Variants in PRRG1 observed in about 807,000 individuals in gnomAD.
PRRG1 encodes the protein transmembrane gamma-carboxyglutamic acid protein 1.
Under a neutral mutation model 11.8 loss-of-function variants are expected in PRRG1, and 5 were observed. That is an observed-to-expected ratio of 0.42 (90% CI 0.22 to 0.89). The LOEUF is 0.89. Ranked by LOEUF, PRRG1 falls within the 40% of genes least tolerant of loss-of-function variation. The pLI, the probability that PRRG1 is intolerant of heterozygous loss-of-function variation, is 0.28. For missense variants in PRRG1, 155 were observed against 166.1 expected (o/e 0.93, Z 0.37); for synonymous variants, 66 against 60.4 (o/e 1.09, Z -0.43).
chrX:37,420,752 C>G (rs1257512959), intron 2 of PRRG1, among the ~76,000 whole-genome samples: 1 of 108,555 alleles, frequency 9.2e-6, no homozygotes, highest in Admixed American at 9.8e-5. Flanking sequence ...GTCCCAGCTA[C>G]TCAGGAGACT....
intron 1 of PRRG1, among the ~76,000 whole-genome samples, chrX:37,400,005 A>C (rs1250370887): frequency 9.0e-6 from 1 of 111,443 alleles, no homozygotes; most frequent in African/African-American, 3.3e-5. Flanking sequence ...ACCTACAAAG[A>C]GACTTACACT....
At position 37,455,897 on chromosome X, in the gene PRRG1, T is replaced by C. The variant is rs1487294142; in HGVS notation, c.*2276T>C. On this transcript the variant is annotated 3_prime_UTR_variant, in exon 4 of 4. Coordinates refer to ENST00000378628, the MANE Select transcript of PRRG1 (RefSeq NM_001142395.2). Reference sequence around the variant, plus strand: ...TAGATTAGACCAGCAGTTTTCAAAGTATGGCCAATGGACCCCTGGGTTCCT... The same window carrying C: ...TAGATTAGACCAGCAGTTTTCAAAGCATGGCCAATGGACCCCTGGGTTCCT... 8.9e-6 allele frequency: 1 copy of C among 111,912 alleles called. No individual in the cohort carries two copies. Among genetic ancestry groups the C allele is most frequent in the African/African-American group, 3.2e-5 (1 of 30,787 alleles). 9.2% of individuals were successfully genotyped at this position (111,912 alleles called of 1,213,427 possible).
chrX:37,437,840 C>T (rs1932902236), intron 3 of PRRG1, among the ~76,000 whole-genome samples: 1 of 111,619 alleles, frequency 9.0e-6, no homozygotes, highest in Non-Finnish European at 1.9e-5. Context: ...CAGTAAACCT[C>T]TCCCTCTAAA....
In PRRG1 at chrX:37,442,092, A is replaced by G. The variant is rs923258494; in HGVS notation, c.172-11044A>G. The G allele has an allele frequency of 5.2e-6, 4 of 762,964 alleles. No individual in the cohort carries two copies. The African/African-American group carries it at 6.9e-5, about 13-fold the overall frequency. 62.9% of individuals were successfully genotyped at this position (762,964 alleles called of 1,213,427 possible). On this transcript the variant is annotated intron_variant, in intron 3 of 3. Transcript: ENST00000378628. Reference sequence around the variant, plus strand: ...ACACCTGAGCCAAGATGGGCCCCACAGCCACGGTGTGCCTTCCCTGGGTCA... The same window carrying G: ...ACACCTGAGCCAAGATGGGCCCCACGGCCACGGTGTGCCTTCCCTGGGTCA...
chrX:37,400,904 G>C (rs1265659740), intron 1 of PRRG1, among the ~76,000 whole-genome samples: 2 of 111,212 alleles, frequency 1.8e-5, no homozygotes, highest in Non-Finnish European at 3.8e-5. Flanking sequence ...TAAATTCCTC[G>C]ACACATACAC....
At chrX:37,439,289 A>G (rs180711886) in intron 3 of PRRG1, among the ~76,000 whole-genome samples, 1 of 112,376 alleles carries the variant, frequency 8.9e-6, no homozygotes, top group East Asian at 2.8e-4. Context: ...AAAAGCTAAT[A>G]TTTGATACCA....
At chrX:37,423,483 A>G (rs1044677062) in intron 2 of PRRG1, among the ~76,000 whole-genome samples, 9 of 108,083 alleles carry the variant, frequency 8.3e-5, no homozygotes, top group East Asian at 2.9e-4. Context: ...AAGGAGAAAC[A>G]TTTTCCTTCT....
At chrX:37,450,404 C>G (rs1422612890) in intron 3 of PRRG1, among the ~76,000 whole-genome samples, 2 of 111,857 alleles carry the variant, frequency 1.8e-5, no homozygotes, top group African/African-American at 6.5e-5. Context: ...TCAGTTTTTG[C>G]CTAAGCTTTG....
rs183898641 is a variant in PRRG1, at chrX:37,435,062, T to C, written c.171+9062T>C. On this transcript the variant is annotated intron_variant, in intron 3 of 3. Coordinates refer to ENST00000378628, the MANE Select transcript of PRRG1 (RefSeq NM_001142395.2). ...CTGGGTTTCTAATTCCATTCTATAG[T>C]GAAATAAAACAGGACTTTCTGGGGA... 6.1e-4 allele frequency among the ~76,000 whole-genome samples: 68 copies of C among 111,178 alleles called. 1 individual carries two copies. Among genetic ancestry groups the C allele is most frequent in the Admixed American group, 5.4e-3 (56 of 10,423 alleles).
intron 1 of PRRG1, among the ~76,000 whole-genome samples, chrX:37,378,187 T>C (rs1239380643): frequency 8.9e-6 from 1 of 112,272 alleles, no homozygotes; most frequent in Non-Finnish European, 1.9e-5. Flanking sequence ...GTTTTATTCT[T>C]CTGAGGACCC....
intron 1 of PRRG1, among the ~76,000 whole-genome samples, chrX:37,355,008 C>A (rs1413337287): frequency 9.0e-6 from 1 of 110,786 alleles, no homozygotes; most frequent in African/African-American, 3.3e-5. Context: ...ACCTCCTGGG[C>A]TCAAGCAATC....
intron 1 of PRRG1, among the ~76,000 whole-genome samples, chrX:37,389,746 T>G (rs1750147929): frequency 9.0e-6 from 1 of 111,525 alleles, no homozygotes; most frequent in East Asian, 2.8e-4. Flanking sequence ...AATATGAGAT[T>G]TGGGTAGGGA....
At chrX:37,424,273 G>A (rs1272115808) in intron 2 of PRRG1, among the ~76,000 whole-genome samples, 1 of 111,023 alleles carries the variant, frequency 9.0e-6, no homozygotes, top group Non-Finnish European at 1.9e-5. Context: ...TCTCATTAGG[G>A]TAGTGATTCT....
chrX:37,364,660 T>A, intron 1 of PRRG1, among the ~76,000 whole-genome samples: 1 of 112,150 alleles, frequency 8.9e-6, no homozygotes, highest in Non-Finnish European at 1.9e-5. Flanking sequence ...ATGGATTCCT[T>A]TTCGTGTTAC....
In PRRG1 at chrX:37,454,473, T is replaced by C. The variant is rs1483189558; in HGVS notation, c.*852T>C. ...TAAATACCCATTACTCCTTTACTCATAGCTGGTAAAATTATTCCCACTGTT... is the reference window on the plus strand; with the variant it reads ...TAAATACCCATTACTCCTTTACTCACAGCTGGTAAAATTATTCCCACTGTT... On this transcript the variant is annotated 3_prime_UTR_variant, in exon 4 of 4. Transcript: ENST00000378628. 8.9e-6 allele frequency: 1 copy of C among 112,242 alleles called. No homozygotes were observed. The highest frequency in any genetic ancestry group is 1.9e-5 in the Non-Finnish European group (1 of 53,255). 9.3% of individuals were successfully genotyped at this position (112,242 alleles called of 1,213,427 possible). A position where few individuals can be genotyped will look rare whatever the true frequency, so the allele number is the denominator to read the frequency against.
intron 1 of PRRG1, among the ~76,000 whole-genome samples, chrX:37,367,123 A>G (rs1200079304): frequency 1.8e-5 from 2 of 111,958 alleles, no homozygotes; most frequent in Non-Finnish European, 3.8e-5. Flanking sequence ...TCTGTAAAAC[A>G]TTTCTAGTTT....
At chrX:37,440,354 T>G (rs561353096) in intron 3 of PRRG1, among the ~76,000 whole-genome samples, 7 of 111,676 alleles carry the variant, frequency 6.3e-5, no homozygotes, top group African/African-American at 2.3e-4. Context: ...ACAATATAAT[T>G]AGGCCGATTT....
intron 3 of PRRG1, among the ~76,000 whole-genome samples, chrX:37,451,635 T>C (rs926556826): frequency 2.7e-5 from 3 of 111,849 alleles, no homozygotes; most frequent in African/African-American, 9.7e-5. Context: ...TAGGTGAAAT[T>C]CATTGTGAAC....
At chrX:37,395,581 C>A (rs1158535649) in intron 1 of PRRG1, among the ~76,000 whole-genome samples, 1 of 105,141 alleles carries the variant, frequency 9.5e-6, no homozygotes, top group Non-Finnish European at 1.9e-5. Flanking sequence ...CACCACTGCA[C>A]TCCAGCCCAG....
Sources: gnomAD v4.1 joint callset for allele counts (sites outside exome capture counted in the v4.1 genomes callset) on GRCh38, gnomAD v4.1.1 for gene constraint, MANE v1.5 for transcripts, NCBI Gene and HGNC (gene_info 2026-07-23, HGNC 2026-07-21) for gene names.